Variants in RORC observed in about 807,000 individuals in gnomAD.
RORC encodes the protein nuclear receptor ROR-gamma.
RORC carries 13 observed loss-of-function variants against 64.5 expected under a neutral mutation model. The observed-to-expected ratio is 0.20, with a 90% confidence interval of 0.13 to 0.32. RORC has a LOEUF of 0.32. RORC is among the 10% of genes least tolerant of loss of function. The pLI, the probability that RORC is intolerant of heterozygous loss-of-function variation, is 1.00. For synonymous variants in RORC, 277 were observed against 259.3 expected, an observed-to-expected ratio of 1.07 and a Z score of -0.65; for missense variants, 468 against 669.5, an observed-to-expected ratio of 0.70 and a Z score of 3.32.
chr1:151,830,848 T>C lies in RORC; in HGVS notation c.40+877A>G. The C allele has an allele frequency of 1.3e-6, 1 of 749,190 alleles. No individual in the cohort carries two copies. The allele number at this position is 749,190 out of a possible 1,614,324, so 46.4% of individuals were successfully genotyped here. On this transcript the variant is annotated intron_variant, in intron 1 of 10. Transcript: ENST00000318247. This position sits in a 1 kb window ranked among gnomAD's most constrained non-coding sequence, Gnocchi z 4.0. The stretch of plus-strand genomic sequence containing the variant: ...TCCTGCCTGGCCCCACCCAGCTTCC[T>C]CCCTGACGTGGCACCGGCTCCTGGC...
At chr1:151,815,804 G>A (rs746690177) in intron 4 of RORC, among the ~76,000 whole-genome samples, 1 of 152,164 alleles carries the variant, frequency 6.6e-6, no homozygotes, top group South Asian at 2.1e-4. Flanking sequence ...TGGGAGGGTC[G>A]GAGGAAGAGG....
chr1:151,813,459 C>G, intron 7 of RORC, 29 bp downstream of exon 7: 2 of 1,613,794 alleles, frequency 1.2e-6, no homozygotes, highest in Non-Finnish European at 1.7e-6. Context: ...TCCCCTTGTC[C>G]CCAGGCCTGC....
Position 151,816,782 on chromosome 1 carries a change from G to A in RORC, c.180C>T (p.Arg60=), listed in dbSNP as rs913307383. ...GGGTGCAGGAGTAGGCCGCGTTACA[G>A]CGCTGGCTCCGGCGGAAGAAGCCCT... The part of the protein sequence containing the change: ...GCKGFFRRSQ[R]CNAAYSCTRQ... Residue 60 remains arginine (R), a synonymous_variant, in exon 4 of 11, where the codon CGC becomes CGT. Coordinates refer to ENST00000318247, the MANE Select transcript of RORC (RefSeq NM_005060.4). 3.8e-6 allele frequency: 6 copies of A among 1,558,566 alleles called. No homozygotes were observed. Among genetic ancestry groups the A allele is most frequent in the Non-Finnish European group, 5.2e-6 (6 of 1,146,948 alleles).
chr1:151,808,443 T>A (rs565771666), intron 10 of RORC, among the ~76,000 whole-genome samples: 9 of 152,344 alleles, frequency 5.9e-5, no homozygotes, highest in Non-Finnish European at 1.2e-4. Context: ...GGCTTAAAAA[T>A]GTCTCTTGCC....
rs191237552 is a variant in RORC at position 151,810,469 on chromosome 1, G to A, written c.1395+856C>T. On this transcript the variant is annotated intron_variant, in intron 10 of 10. Coordinates refer to ENST00000318247, the MANE Select transcript of RORC (RefSeq NM_005060.4). The stretch of plus-strand genomic sequence containing the variant: ...TAGGGGACACAGGGATAGAAAGAGC[G>A]CAAAGAGCACTGGGATTCAATCTTG... 1.6e-4 allele frequency among the ~76,000 whole-genome samples: 25 copies of A among 151,888 alleles called. No individual in the cohort carries two copies. The East Asian group carries it at 3.5e-3, about 21-fold the overall frequency.
At chr1:151,828,981 A>T (rs1235603710) in intron 2 of RORC, among the ~76,000 whole-genome samples, 1 of 21,850 alleles carries the variant, frequency 4.6e-5, no homozygotes, top group Non-Finnish European at 2.0e-4. Flanking sequence ...TCTGTCTCAA[A>T]AAAAAAAAAA....
chr1:151,831,158 T>C, intron 1 of RORC: 7 of 1,248,268 alleles, frequency 5.6e-6, no homozygotes, highest in Non-Finnish European at 7.3e-6. Context: ...CCCACATCCC[T>C]GGGTGAGTGG....
intron 10 of RORC, among the ~76,000 whole-genome samples, chr1:151,808,495 G>A (rs543122980): frequency 9.8e-4 from 150 of 152,290 alleles, no homozygotes; most frequent in Non-Finnish European, 1.8e-3. Context: ...CTTGGAAAGA[G>A]GCAGTCAGAG....
rs140589572 is a variant in RORC, at chr1:151,821,759, A to T, written c.71-4479T>A. 1.4e-3 allele frequency among the ~76,000 whole-genome samples: 216 copies of T among 152,294 alleles called. 2 individuals are homozygous for T. Among genetic ancestry groups the T allele is most frequent in the African/African-American group, 4.9e-3 (205 of 41,560 alleles). The stretch of plus-strand genomic sequence containing the variant: ...CACACCGGAGACCTGGGTAGAGGAC[A>T]TGGTTATTTGGCTGTAGGGGTAAAA... On this transcript the variant is annotated intron_variant, in intron 2 of 10. Coordinates refer to ENST00000318247, the MANE Select transcript of RORC (RefSeq NM_005060.4).
intron 2 of RORC, among the ~76,000 whole-genome samples, chr1:151,825,338 G>C (rs1053467887): frequency 6.6e-6 from 1 of 152,130 alleles, no homozygotes; most frequent in Non-Finnish European, 1.5e-5. Flanking sequence ...ACCCTGACTG[G>C]ATTCCACATA....
At chr1:151,821,179 C>T (rs1651983140) in intron 2 of RORC, among the ~76,000 whole-genome samples, 1 of 152,180 alleles carries the variant, frequency 6.6e-6, no homozygotes, top group Non-Finnish European at 1.5e-5. Context: ...GAGCCTGGCC[C>T]TGTGCCAGCT....
intron 2 of RORC, among the ~76,000 whole-genome samples, chr1:151,819,028 C>T (rs1651882473): frequency 6.6e-6 from 1 of 152,210 alleles, no homozygotes. Flanking sequence ...CCTCACCCAA[C>T]CCCCAGCCAC....
In RORC at chr1:151,817,291, GAA is replaced by G. The variant is rs1251350093; in HGVS notation, c.71-13_71-12del. On this transcript the variant is annotated splice_polypyrimidine_tract_variant and intron_variant, in intron 2 of 10. Transcript: ENST00000318247. ...TCACTTCAATTTGTGCTGGAAGAGA[GAA>G]AGAGAAGTAGGTCAGCCCAGGAGGC... 1 of 1,608,214 alleles carries G rather than the reference GAA, an allele frequency of 6.2e-7. No homozygotes were observed. Among genetic ancestry groups the G allele is most frequent in the Non-Finnish European group, 8.5e-7 (1 of 1,174,640 alleles).
rs1652374545 is a variant in RORC at position 151,830,662 on chromosome 1, A to ACACACACACACACACACACACC, written c.40+1062_40+1063insGGTGTGTGTGTGTGTGTGTGTG. On this transcript the variant is annotated intron_variant, in intron 1 of 10. Transcript: ENST00000318247. This position sits in a 1 kb window ranked among gnomAD's most constrained non-coding sequence, Gnocchi z 4.0. ...CACACACACACACACACACACACAC[A>ACACACACACACACACACACACC]GTGCCCTTCTGCCCGGGAGATGCTC... Among the ~76,000 whole-genome samples the ACACACACACACACACACACACC allele has an allele frequency of 6.7e-6, 1 of 149,834 alleles. No individual in the cohort carries two copies. Among genetic ancestry groups the ACACACACACACACACACACACC allele is most frequent in the Non-Finnish European group, 1.5e-5 (1 of 67,700 alleles).
intron 2 of RORC, among the ~76,000 whole-genome samples, chr1:151,828,671 C>G (rs1195623618): frequency 6.6e-6 from 1 of 152,180 alleles, no homozygotes; most frequent in African/African-American, 2.4e-5. Context: ...AACACCAAAC[C>G]TGGCTCAGGA....
At chr1:151,831,632 TC>T (rs1220742682) in intron 1 of RORC, 92 bp downstream of exon 1, 8 of 1,604,540 alleles carry the variant, frequency 5.0e-6, no homozygotes, top group Admixed American at 1.7e-5. Context: ...CTCCCTCCCC[TC>T]CTCACTTCTT....
intron 2 of RORC, chr1:151,825,869 T>C (rs1652173392): frequency 6.3e-7 from 1 of 1,596,322 alleles, no homozygotes; most frequent in Admixed American, 1.7e-5. Context: ...ACATCCTCCT[T>C]TCCAGAGGGG....
At chr1:151,826,895 A>G (rs768995138) in intron 2 of RORC, among the ~76,000 whole-genome samples, 23 of 152,204 alleles carry the variant, frequency 1.5e-4, no homozygotes, top group Non-Finnish European at 2.1e-4. Flanking sequence ...AGGTGGGTGG[A>G]TCACCTGAGG....
At chr1:151,813,800 A>T in intron 6 of RORC, 180 bp from the exon 7 acceptor site, 5 of 659,422 alleles carry the variant, frequency 7.6e-6, no homozygotes, top group Non-Finnish European at 1.3e-5. Context: ...TGAGTCCCAC[A>T]CACTGAGCAC....
Sources: gnomAD v4.1 joint callset for allele counts (sites outside exome capture counted in the v4.1 genomes callset) on GRCh38, gnomAD v4.1.1 for gene constraint, Gnocchi (gnomAD v3.1) non-coding constraint, MANE v1.5 for transcripts, NCBI Gene and HGNC (gene_info 2026-07-23, HGNC 2026-07-21) for gene names.